Variants in ANAPC10 observed in about 807,000 individuals in gnomAD.
ANAPC10 encodes anaphase-promoting complex subunit 10.
Under a neutral mutation model 22.0 loss-of-function variants are expected in ANAPC10, and 12 were observed. The ratio of observed to expected loss-of-function variants is 0.55; its 90% CI spans 0.35 to 0.88. The LOEUF (loss-of-function observed/expected upper bound fraction) is 0.88. ANAPC10 is among the 40% of genes least tolerant of loss of function. The pLI is 0.01. For missense variants in ANAPC10, 188 were observed against 220.9 expected, an observed-to-expected ratio of 0.85 and a Z score of 0.94; for synonymous variants, 65 against 69.5, an observed-to-expected ratio of 0.94 and a Z score of 0.32.
At chr4:145,096,819 G>A (rs1748602356) in intron 1 of ANAPC10, among the ~76,000 whole-genome samples, 1 of 151,816 alleles carries the variant, frequency 6.6e-6, no homozygotes. Flanking sequence ...CAAGTAGCTG[G>A]GATTACAGGT....
At chr4:145,080,999 A>C (rs1745930863) in intron 3 of ANAPC10, among the ~76,000 whole-genome samples, 1 of 151,710 alleles carries the variant, frequency 6.6e-6, no homozygotes, top group Non-Finnish European at 1.5e-5. Flanking sequence ...AGCCAGGCCC[A>C]GTGGTTCATG....
chr4:145,054,807 T>G (rs1037196959), intron 4 of ANAPC10, among the ~76,000 whole-genome samples: 2 of 152,044 alleles, frequency 1.3e-5, no homozygotes, highest in Non-Finnish European at 2.9e-5. Flanking sequence ...AGCCACTTGC[T>G]CAAGTTTATT....
intron 3 of ANAPC10, among the ~76,000 whole-genome samples, chr4:145,066,132 AAAAACAGCAG>A (rs1743643040): frequency 1.3e-5 from 2 of 152,150 alleles, no homozygotes; most frequent in African/African-American, 4.8e-5. Flanking sequence ...GTCAGCCTAT[AAAAACAGCAG>A]GGGCTCTGTA....
intron 4 of ANAPC10, among the ~76,000 whole-genome samples, chr4:145,017,413 C>T (rs1735342843): frequency 1.3e-5 from 2 of 152,182 alleles, no homozygotes; most frequent in African/African-American, 2.4e-5. Context: ...ATCAAAACCA[C>T]AATGAGATAC....
intron 2 of ANAPC10, among the ~76,000 whole-genome samples, chr4:145,082,499 T>C (rs951356915): frequency 2.0e-5 from 3 of 152,234 alleles, no homozygotes; most frequent in African/African-American, 4.8e-5. Context: ...TTGTGCTTTT[T>C]GCAAGCTGAT....
intron 4 of ANAPC10, among the ~76,000 whole-genome samples, chr4:145,060,522 A>G (rs1164554061): frequency 6.6e-6 from 1 of 152,052 alleles, no homozygotes; most frequent in African/African-American, 2.4e-5. Context: ...TACTACTTCA[A>G]ATCAACAATT....
upstream of ANAPC10, chr4:145,098,333 G>C (rs1306652158): frequency 6.6e-6 from 1 of 152,470 alleles, no homozygotes; most frequent in African/African-American, 2.4e-5. Flanking sequence ...GCCGGTGGCC[G>C]TGAGAACACG....
At chr4:145,021,384 C>A (rs1030220741) in intron 4 of ANAPC10, among the ~76,000 whole-genome samples, 5 of 151,996 alleles carry the variant, frequency 3.3e-5, no homozygotes, top group Admixed American at 3.3e-4. Context: ...TACCTACAGC[C>A]AAGTGATCTT....
At chr4:145,052,209 TTAA>T (rs1741211358) in intron 4 of ANAPC10, among the ~76,000 whole-genome samples, 1 of 152,088 alleles carries the variant, frequency 6.6e-6, no homozygotes, top group African/African-American at 2.4e-5. Flanking sequence ...ATGAGTACAA[TTAA>T]TAATAATATA....
At chr4:145,095,421 G>A (rs1748358015) in intron 2 of ANAPC10, among the ~76,000 whole-genome samples, 1 of 152,078 alleles carries the variant, frequency 6.6e-6, no homozygotes, top group Non-Finnish European at 1.5e-5. Flanking sequence ...ACTTTGTCCA[G>A]CATATCCACA....
intron 4 of ANAPC10, chr4:145,035,433 G>A (rs748459625): frequency 5.3e-5 from 8 of 152,158 alleles, no homozygotes; most frequent in African/African-American, 7.2e-5. Context: ...ACAAGCAGGC[G>A]CTTTTATAGA....
intron 4 of ANAPC10, among the ~76,000 whole-genome samples, chr4:145,032,760 G>A (rs1175449126): frequency 6.6e-6 from 1 of 152,194 alleles, no homozygotes; most frequent in Admixed American, 6.5e-5. Flanking sequence ...AGCCCTTGAT[G>A]TGGCACCATT....
chr4:145,037,992 T>C (rs948025842), intron 4 of ANAPC10, among the ~76,000 whole-genome samples: 1 of 146,360 alleles, frequency 6.8e-6, no homozygotes, highest in African/African-American at 2.5e-5. Context: ...GAAAGATACA[T>C]GGACACCAAC....
intron 3 of ANAPC10, among the ~76,000 whole-genome samples, chr4:145,078,843 G>GACCCC (rs1004764587): frequency 3.9e-5 from 6 of 152,092 alleles, no homozygotes; most frequent in Non-Finnish European, 5.9e-5. Flanking sequence ...ATTGAAATCA[G>GACCCC]ACCCCTCCCT....
intron 3 of ANAPC10, among the ~76,000 whole-genome samples, chr4:145,073,781 A>G (rs887210714): frequency 8.6e-5 from 13 of 152,030 alleles, no homozygotes; most frequent in Admixed American, 6.5e-4. Context: ...TTTCTATTTC[A>G]ATAAATTTCT....
intron 4 of ANAPC10, among the ~76,000 whole-genome samples, chr4:145,006,112 T>C (rs531809627): frequency 1.3e-5 from 2 of 152,304 alleles, no homozygotes; most frequent in East Asian, 3.9e-4. Flanking sequence ...CTCTAAGAAC[T>C]TGCTTTATGA....
chr4:145,054,620 TGTGTGTGTGTGTGTGTGTGTGC>T (rs1487835471), intron 4 of ANAPC10, among the ~76,000 whole-genome samples: 1 of 126,282 alleles, frequency 7.9e-6, no homozygotes, highest in Non-Finnish European at 1.7e-5. Flanking sequence ...TGTGTGTGTG[TGTGTGTGTGTGTGTGTGTGTGC>T]GCGCGCGCGC....
intron 4 of ANAPC10, among the ~76,000 whole-genome samples, chr4:145,036,055 A>G (rs1055849610): frequency 3.3e-5 from 5 of 152,196 alleles, no homozygotes; most frequent in African/African-American, 1.2e-4. Context: ...AAAAATTAAG[A>G]AACAAGGTAA....
intron 4 of ANAPC10, among the ~76,000 whole-genome samples, chr4:145,016,410 CAAGGGATGTG>C (rs2126956995): frequency 1.3e-5 from 2 of 152,296 alleles, no homozygotes; most frequent in South Asian, 4.1e-4. Flanking sequence ...ATCCAACTTA[CAAGGGATGTG>C]AAGGACCTCT....
Sources: gnomAD v4.1 joint callset for allele counts (sites outside exome capture counted in the v4.1 genomes callset) on GRCh38, gnomAD v4.1.1 for gene constraint, MANE v1.5 for transcripts, NCBI Gene and HGNC (gene_info 2026-07-23, HGNC 2026-07-21) for gene names.